Variants in LPP observed in about 807,000 individuals in gnomAD.
LPP encodes the protein lipoma-preferred partner.
In LPP, 38 loss-of-function variants were observed where a neutral mutation model predicts 60.4. The observed-to-expected ratio is 0.63, with a 90% CI of 0.49 to 0.83. The LOEUF (loss-of-function observed/expected upper bound fraction) is 0.83. LPP is among the 40% of genes least tolerant of loss of function. LPP has a pLI of 0.00. For synonymous variants in LPP, 328 were observed against 290.8 expected (o/e 1.13, Z -1.30); for missense variants, 902 against 783.6 (o/e 1.15, Z -1.80).
rs1045259596 is a variant in LPP, at chr3:188,770,171, T to A, written c.1410+9889T>A. On this transcript the variant is annotated intron_variant, in intron 9 of 11. Coordinates refer to ENST00000617246, the MANE Select transcript of LPP (RefSeq NM_001375462.1). ...ATTTTCTTTCATAGTTATAATTCTT[T>A]TTTTTTTTTTTTTTTTTTTTTTTCC... Among the ~76,000 whole-genome samples, 1,024 of 105,286 alleles carry A rather than the reference T, an allele frequency of 9.7e-3. 14 individuals carry two copies. Among genetic ancestry groups the A allele is most frequent in the South Asian group, 0.034 (119 of 3,494 alleles). 69.1% of individuals were successfully genotyped at this position (105,286 alleles called of 152,430 possible).
chr3:188,177,441 A>G (rs572575558), intron 1 of LPP, among the ~76,000 whole-genome samples: 99 of 152,154 alleles, frequency 6.5e-4, no homozygotes, highest in Middle Eastern at 3.2e-3. Context: ...CAGACAGTAC[A>G]GTGATTTGAA....
rs554560088 is a variant in LPP at position 188,652,308 on chromosome 3, T to C, written c.1113+42464T>C. Among the ~76,000 whole-genome samples the C allele has an allele frequency of 4.6e-5, 7 of 152,284 alleles. No homozygotes were observed. In the South Asian group the frequency reaches 1.5e-3, roughly 32 times the overall value. On this transcript the variant is annotated intron_variant, in intron 7 of 11. Transcript: ENST00000617246. Reference sequence around the variant, plus strand: ...TATGGCTCTTCTTATTAGACTGTCATAGGGCTCCCTTACTTTCAACTTTCC... The same window carrying C: ...TATGGCTCTTCTTATTAGACTGTCACAGGGCTCCCTTACTTTCAACTTTCC...
intron 9 of LPP, among the ~76,000 whole-genome samples, chr3:188,841,147 TG>T (rs1283206067): frequency 2.0e-5 from 3 of 152,172 alleles, no homozygotes; most frequent in East Asian, 3.9e-4. Flanking sequence ...CATGAGTCCT[TG>T]TGAAGTCTTT....
chr3:188,772,791 A>G (rs1344205659), intron 9 of LPP, among the ~76,000 whole-genome samples: 1 of 151,700 alleles, frequency 6.6e-6, no homozygotes, highest in African/African-American at 2.4e-5. Context: ...AGGTGAACCT[A>G]TTGCTGCTCT....
intron 6 of LPP, among the ~76,000 whole-genome samples, chr3:188,597,900 G>A (rs552469733): frequency 6.6e-6 from 1 of 152,214 alleles, no homozygotes; most frequent in African/African-American, 2.4e-5. Flanking sequence ...CTACCCACAT[G>A]GAGTTTAGAG....
At chr3:188,295,075 C>T (rs988218149) in intron 2 of LPP, among the ~76,000 whole-genome samples, 1 of 152,146 alleles carries the variant, frequency 6.6e-6, no homozygotes, top group South Asian at 2.1e-4. Flanking sequence ...AAAGAGCAGC[C>T]GGTGGACGTG....
At chr3:188,833,628 C>T (rs947152957) in intron 9 of LPP, among the ~76,000 whole-genome samples, 19 of 152,204 alleles carry the variant, frequency 1.2e-4, no homozygotes, top group East Asian at 3.9e-4. Context: ...GTGTATCTGA[C>T]GAAAGATTTC....
At chr3:188,443,257 C>G (rs1794470058) in intron 4 of LPP, among the ~76,000 whole-genome samples, 1 of 152,196 alleles carries the variant, frequency 6.6e-6, no homozygotes, top group Non-Finnish European at 1.5e-5. Flanking sequence ...AATGACAATT[C>G]CTGCTTGCCA....
intron 2 of LPP, among the ~76,000 whole-genome samples, chr3:188,320,793 G>T (rs1756705383): frequency 6.6e-6 from 1 of 152,252 alleles, no homozygotes; most frequent in East Asian, 1.9e-4. Context: ...CCTTCTCTGT[G>T]CTCTTCTCAG....
intron 9 of LPP, among the ~76,000 whole-genome samples, chr3:188,819,027 CGTGTGTGTGT>C (rs59994224): frequency 0.019 from 2,667 of 142,268 alleles, 71 homozygotes; most frequent in African/African-American, 0.065. Flanking sequence ...TCATGGGGGT[CGTGTGTGTGT>C]GTGTGTGTGT....
chr3:188,683,014 G>T (rs1340108391), intron 7 of LPP, among the ~76,000 whole-genome samples: 1 of 152,092 alleles, frequency 6.6e-6, no homozygotes, highest in African/African-American at 2.4e-5. Flanking sequence ...AGTAGCATAG[G>T]ATCCTAAATT....
At chr3:188,284,235 CA>C (rs1179727076) in intron 2 of LPP, among the ~76,000 whole-genome samples, 1 of 151,870 alleles carries the variant, frequency 6.6e-6, no homozygotes, top group Non-Finnish European at 1.5e-5. Flanking sequence ...AGGTGTGAGC[CA>C]CTGTGTCTGG....
chr3:188,864,378 A>C (rs1167888365), intron 9 of LPP, among the ~76,000 whole-genome samples: 1 of 152,230 alleles, frequency 6.6e-6, no homozygotes, highest in African/African-American at 2.4e-5. Flanking sequence ...TCTCAGGCTT[A>C]TTTCTATTTC....
intron 7 of LPP, among the ~76,000 whole-genome samples, chr3:188,681,196 A>G (rs1859425003): frequency 6.6e-6 from 1 of 152,034 alleles, no homozygotes; most frequent in Admixed American, 6.5e-5. Flanking sequence ...GGGTTTCACC[A>G]TGTTGGCCAG....
At chr3:188,807,498 T>A (rs1749530885) in intron 9 of LPP, among the ~76,000 whole-genome samples, 1 of 152,034 alleles carries the variant, frequency 6.6e-6, no homozygotes, top group African/African-American at 2.4e-5. Context: ...TCTTTGGAGT[T>A]CTAACTACAT....
chr3:188,158,926 CGGGCTTCTCAGTCCCACACT>C (rs1717341537), intron 1 of LPP, among the ~76,000 whole-genome samples: 1 of 152,218 alleles, frequency 6.6e-6, no homozygotes, highest in Admixed American at 6.5e-5. Flanking sequence ...CATGGACAAA[CGGGCTTCTCAGTCCCACACT>C]GGTGCTGTTC....
chr3:188,723,644 C>T (rs1717290009), intron 8 of LPP, among the ~76,000 whole-genome samples: 1 of 151,990 alleles, frequency 6.6e-6, no homozygotes, highest in East Asian at 1.9e-4. Context: ...TAAACAAAAA[C>T]ACTTTGTCCT....
intron 7 of LPP, among the ~76,000 whole-genome samples, chr3:188,645,817 A>T (rs1057254384): frequency 2.0e-5 from 3 of 151,888 alleles, no homozygotes; most frequent in African/African-American, 7.2e-5. Context: ...TTCAAAAAAA[A>T]AAACAGAAAA....
At chr3:188,180,805 G>A (rs344952) in intron 1 of LPP, 65,751 of 147,202 alleles carry the variant, frequency 0.45, 16,252 homozygotes, top group Non-Finnish European at 0.48. Flanking sequence ...ATTAAGAATT[G>A]TTTGTACATG....
Sources: allele counts gnomAD v4.1 joint callset (sites outside exome capture counted in the v4.1 genomes callset), GRCh38; gene constraint gnomAD v4.1.1; transcripts MANE v1.5; gene names NCBI Gene and HGNC (gene_info 2026-07-23, HGNC 2026-07-21).